The following MEGF9 variants were observed in gnomAD, a reference collection of about 807,000 sequenced individuals.
MEGF9 encodes multiple epidermal growth factor-like domains protein 9.
A neutral mutation model predicts 46.8 loss-of-function variants in MEGF9; 6 were observed. The ratio of observed to expected loss-of-function variants is 0.13; its 90% CI spans 0.07 to 0.25. MEGF9 has a LOEUF of 0.25. Among genes scored for constraint, MEGF9 ranks in the 10% least tolerant of loss-of-function variants. The pLI is 1.00. For synonymous variants in MEGF9, 302 were observed against 330.7 expected, an observed-to-expected ratio of 0.91 and a Z score of 0.94; for missense variants, 683 against 792.4, an observed-to-expected ratio of 0.86 and a Z score of 1.66.
intron 1 of MEGF9, among the ~76,000 whole-genome samples, chr9:120,684,395 T>G (rs1204840593): frequency 6.6e-6 from 1 of 152,244 alleles, no homozygotes; most frequent in Non-Finnish European, 1.5e-5. Context: ...TAGCTGAGCC[T>G]TGAGTCATTC....
intron 2 of MEGF9, among the ~76,000 whole-genome samples, chr9:120,643,704 T>C (rs949444620): frequency 6.6e-6 from 1 of 152,092 alleles, no homozygotes; most frequent in African/African-American, 2.4e-5. Flanking sequence ...ATGTTTCTTT[T>C]TTTTTTCTTT....
intron 4 of MEGF9, 71 bp from the exon 5 acceptor site, chr9:120,608,081 G>C (rs1042015609): frequency 6.5e-7 from 1 of 1,532,656 alleles, no homozygotes. Context: ...ACAACTACTA[G>C]TCCTTAAAAA....
In MEGF9 at chr9:120,607,884, T is replaced by A; in HGVS notation, c.1214A>T (p.His405Leu). The change falls in exon 5 of 6, where the codon CAT (histidine) becomes CTT (leucine). Residue 405 changes from histidine (H) to leucine (L), a missense_variant. His to Leu is a moderately conservative substitution (Grantham distance 99). Transcript: ENST00000373930. The part of the protein sequence containing the change: ...SICRKCQCHG[H>L]VDPVKTPKIC... ...CTTTGGAGTTTTAACTGGGTCCACA[T>A]GGCCGTGACATTGGCACTTTCTACA... 1 of 1,614,042 alleles carries A rather than the reference T, an allele frequency of 6.2e-7. No individual in the cohort carries two copies.
chr9:120,656,905 G>A (rs932347620), intron 2 of MEGF9, among the ~76,000 whole-genome samples: 1 of 152,058 alleles, frequency 6.6e-6, no homozygotes, highest in Non-Finnish European at 1.5e-5. Flanking sequence ...TATACGGTGC[G>A]ACTCTGTCTC....
At chr9:120,664,298 G>C (rs997926026) in intron 1 of MEGF9, among the ~76,000 whole-genome samples, 2 of 152,094 alleles carry the variant, frequency 1.3e-5, no homozygotes, top group Admixed American at 1.3e-4. Context: ...CATTAATGAT[G>C]GGAGTTTTTG....
intron 1 of MEGF9, among the ~76,000 whole-genome samples, chr9:120,678,101 T>C (rs1279140495): frequency 6.6e-6 from 1 of 152,246 alleles, no homozygotes; most frequent in Non-Finnish European, 1.5e-5. Flanking sequence ...TGCAAATCCA[T>C]GTTGTTGCAA....
intron 1 of MEGF9, among the ~76,000 whole-genome samples, chr9:120,668,837 A>G (rs1318157860): frequency 2.0e-5 from 3 of 152,200 alleles, no homozygotes; most frequent in African/African-American, 7.2e-5. Context: ...GAAACAAATC[A>G]TACAACTAAT....
rs1254138046 is a variant in MEGF9 at position 120,691,088 on chromosome 9, C to T, written c.601+22670G>A. ...GTAATAATCTGTATCCTACCCTATCCAAACAATTCCAGGAGTATTTATGTT... is the reference window on the plus strand; with the variant it reads ...GTAATAATCTGTATCCTACCCTATCTAAACAATTCCAGGAGTATTTATGTT... On this transcript the variant is annotated intron_variant, in intron 1 of 5. Coordinates refer to ENST00000373930, the MANE Select transcript of MEGF9 (RefSeq NM_001080497.3). 2.0e-5 allele frequency among the ~76,000 whole-genome samples: 3 copies of T among 152,022 alleles called. No individual in the cohort carries two copies. In the East Asian group the frequency reaches 5.8e-4, roughly 29 times the overall value.
In MEGF9 at chr9:120,604,440, C is replaced by T. The variant is rs2043410907; in HGVS notation, c.*750G>A. ...CAAATAGATACAAATACAACGTCGA[C>T]CAGATATGCTACATTAACTATGTAC... is the stretch of plus-strand genomic sequence containing the variant. On this transcript the variant is annotated 3_prime_UTR_variant, in exon 6 of 6. Coordinates refer to ENST00000373930, the MANE Select transcript of MEGF9 (RefSeq NM_001080497.3). The T allele has an allele frequency of 6.6e-6, 1 of 152,466 alleles. No individual in the cohort carries two copies. 9.4% of individuals were successfully genotyped at this position (152,466 alleles called of 1,614,324 possible). A position where few individuals can be genotyped will look rare whatever the true frequency, so the allele number is the denominator to read the frequency against.
At chr9:120,681,108 C>CA (rs2043797070) in intron 1 of MEGF9, among the ~76,000 whole-genome samples, 1 of 152,116 alleles carries the variant, frequency 6.6e-6, no homozygotes, top group Admixed American at 6.5e-5. Flanking sequence ...AGGAGTCTTT[C>CA]ACCATAGCCA....
chr9:120,711,720 C>T (rs1283185118), intron 1 of MEGF9, among the ~76,000 whole-genome samples: 1 of 152,096 alleles, frequency 6.6e-6, no homozygotes, highest in African/African-American at 2.4e-5. Flanking sequence ...TACTTAAATG[C>T]TACTGTATGC....
At chr9:120,698,703 G>GT (rs2043889837) in intron 1 of MEGF9, among the ~76,000 whole-genome samples, 1 of 152,222 alleles carries the variant, frequency 6.6e-6, no homozygotes, top group African/African-American at 2.4e-5. Context: ...GATTATTAAT[G>GT]TATGTGCTGA....
intron 2 of MEGF9, among the ~76,000 whole-genome samples, chr9:120,641,030 A>C (rs970456699): frequency 6.6e-6 from 1 of 152,124 alleles, no homozygotes; most frequent in Non-Finnish European, 1.5e-5. Context: ...GCTGCAACAG[A>C]TATGATTTTG....
chr9:120,661,658 C>T (rs993270228), intron 1 of MEGF9, among the ~76,000 whole-genome samples: 1 of 152,208 alleles, frequency 6.6e-6, no homozygotes, highest in African/African-American at 2.4e-5. Context: ...AAGGAACCAG[C>T]TTCCCATTAC....
intron 1 of MEGF9, among the ~76,000 whole-genome samples, chr9:120,674,957 C>A (rs2043766470): frequency 6.6e-6 from 1 of 151,410 alleles, no homozygotes; most frequent in Non-Finnish European, 1.5e-5. Context: ...CGGCTCACTG[C>A]AAGCTCCGCC....
chr9:120,611,865 A>AGGAAGGAAGGAAGGG (rs572613293), intron 4 of MEGF9, among the ~76,000 whole-genome samples: 1 of 137,154 alleles, frequency 7.3e-6, no homozygotes, highest in African/African-American at 3.0e-5. Context: ...GGAAGGAAGA[A>AGGAAGGAAGGAAGGG]AGAGAGAGAG....
At chr9:120,675,304 T>C (rs1564425591) in intron 1 of MEGF9, among the ~76,000 whole-genome samples, 1 of 152,196 alleles carries the variant, frequency 6.6e-6, no homozygotes, top group Non-Finnish European at 1.5e-5. Context: ...GGACCTAGTC[T>C]GGCTAGGTGC....
intron 1 of MEGF9, among the ~76,000 whole-genome samples, chr9:120,705,879 T>C (rs545245894): frequency 1.3e-5 from 2 of 151,464 alleles, no homozygotes; most frequent in South Asian, 4.2e-4. Flanking sequence ...CCCTGTAATA[T>C]AATGTCAACA....
chr9:120,703,034 C>T (rs2043912220), intron 1 of MEGF9, among the ~76,000 whole-genome samples: 1 of 152,142 alleles, frequency 6.6e-6, no homozygotes, highest in Admixed American at 6.6e-5. Context: ...TTCATTTGTC[C>T]ATTGTTGTTC....
Sources: gnomAD v4.1 joint callset for allele counts (sites outside exome capture counted in the v4.1 genomes callset) on GRCh38, gnomAD v4.1.1 for gene constraint, MANE v1.5 for transcripts, NCBI Gene and HGNC (gene_info 2026-07-23, HGNC 2026-07-21) for gene names.